PATJ: variants seen among roughly 807,000 people sequenced by gnomAD.
The protein encoded by PATJ is inaD-like protein.
Under a neutral mutation model 224.9 loss-of-function variants are expected in PATJ, and 190 were observed. The observed-to-expected ratio is 0.84, with a 90% CI of 0.75 to 0.95. The LOEUF is 0.95. Among genes scored for constraint, PATJ ranks in the 40% least tolerant of loss-of-function variants. The pLI is 0.00. For synonymous variants in PATJ, 769 were observed against 820.3 expected (o/e 0.94, Z 1.07); for missense variants, 2,121 against 2,270.3 (o/e 0.93, Z 1.34).
chr1:61,823,388 A>G (rs904490995), intron 15 of PATJ, among the ~76,000 whole-genome samples: 1 of 152,200 alleles, frequency 6.6e-6, no homozygotes, highest in Non-Finnish European at 1.5e-5. Context: ...ACATATAACC[A>G]CATTTATTTG....
intron 41 of PATJ, among the ~76,000 whole-genome samples, chr1:62,136,045 G>C (rs1310971077): frequency 2.3e-4 from 2 of 8,832 alleles, no homozygotes; most frequent in Non-Finnish European, 5.8e-4. Context: ...TTTTTTTTTT[G>C]AGACAGAGTT....
chr1:61,952,266 G>GAGAGAGAGAA lies in PATJ; in HGVS notation c.3670+24446_3670+24447insAAGAGAGAGA, dbSNP rs1679807735. On this transcript the variant is annotated intron_variant, in intron 27 of 43. Transcript: ENST00000642238. ...GAGAACAAAATCTGAGAGAGAGAGA[G>GAGAGAGAGAA]AGAGAGAGAGAGAAAAATAGGCCCA... is the stretch of plus-strand genomic sequence containing the variant. 9.9e-6 allele frequency: 6 copies of GAGAGAGAGAA among 604,414 alleles called. No homozygotes were observed. In the East Asian group the frequency reaches 1.4e-4, roughly 14 times the overall value. The allele number at this position is 604,414 out of a possible 1,614,324, so 37.4% of individuals were successfully genotyped here. A position where few individuals can be genotyped will look rare whatever the true frequency, so the allele number is the denominator to read the frequency against.
At chr1:61,983,020 AT>A (rs35574295) in intron 27 of PATJ, among the ~76,000 whole-genome samples, 37,904 of 151,652 alleles carry the variant, frequency 0.25, 5,054 homozygotes, top group East Asian at 0.45. Flanking sequence ...TGAGATTTTC[AT>A]TCTGTGGTCT....
At chr1:62,139,329 G>A (rs182984599) in intron 41 of PATJ, among the ~76,000 whole-genome samples, 56 of 150,738 alleles carry the variant, frequency 3.7e-4, no homozygotes, top group African/African-American at 1.3e-3. Flanking sequence ...GAATCCGGGA[G>A]GCAGAGATTG....
At position 62,084,599 on chromosome 1, in the gene PATJ, G is replaced by T; in HGVS notation, c.4328G>T (p.Gly1443Val). 2 of 1,613,360 alleles carry T rather than the reference G, an allele frequency of 1.2e-6. No homozygotes were observed. Among genetic ancestry groups the T allele is most frequent in the Non-Finnish European group, 1.7e-6 (2 of 1,179,748 alleles). Residue 1443 changes from glycine to valine, a missense_variant, in exon 33 of 44, where the codon GGA (glycine) becomes GTA (valine). Transcript: ENST00000642238. ...GQEMIIEISK[G>V]RSGLGLSIVG... ...GAAATGATTATAGAAATATCCAAGG[G>T]ACGTTCAGGGCTTGGTCTCAGCATT...
chr1:62,100,514 C>G, intron 33 of PATJ: 1 of 626,544 alleles, frequency 1.6e-6, no homozygotes, highest in Non-Finnish European at 2.9e-6. Context: ...CCCTCATTAC[C>G]CAATCACGCC....
intron 31 of PATJ, among the ~76,000 whole-genome samples, chr1:62,076,469 C>T (rs763799225): frequency 1.3e-5 from 2 of 152,192 alleles, no homozygotes; most frequent in Non-Finnish European, 2.9e-5. Flanking sequence ...CTTTCTTACA[C>T]AGTAGTTTGG....
intron 42 of PATJ, among the ~76,000 whole-genome samples, chr1:62,151,413 A>G (rs1404022003): frequency 6.6e-6 from 1 of 151,006 alleles, no homozygotes. Context: ...ATGGTGAAAA[A>G]CCCCGTCTCT....
intron 10 of PATJ, 69 bp from the exon 11 acceptor site, chr1:61,797,218 C>A: frequency 6.7e-7 from 1 of 1,486,186 alleles, no homozygotes; most frequent in Non-Finnish European, 9.2e-7. Flanking sequence ...TCATTTTATT[C>A]AGTGTTGCCA....
At chr1:62,064,720 C>T (rs1184602717) in intron 31 of PATJ, among the ~76,000 whole-genome samples, 2 of 152,178 alleles carry the variant, frequency 1.3e-5, no homozygotes, top group Non-Finnish European at 2.9e-5. Context: ...GGTCTTACTT[C>T]CAGGCTAGAA....
In PATJ at chr1:61,945,924, G is replaced by A. The variant is rs190181049; in HGVS notation, c.3670+18095G>A. On this transcript the variant is annotated intron_variant, in intron 27 of 43. Transcript: ENST00000642238. ...AGGATTAAGAAACTCACTCAAAACC[G>A]CTCAACTGCATGGAAATTGAACAAA... Among the ~76,000 whole-genome samples, 92 of 152,208 alleles carry A rather than the reference G, an allele frequency of 6.0e-4. No homozygotes were observed. The East Asian group carries it at 0.011, about 18-fold the overall frequency.
chr1:62,057,184 G>C lies in PATJ; in HGVS notation c.4125+6126G>C, dbSNP rs529921380. The stretch of plus-strand genomic sequence containing the variant: ...TAGAGTTGCTTCGTGCTAAGAGAGC[G>C]TATGAAAGGGGATTTGACCTTGAGA... On this transcript the variant is annotated intron_variant, in intron 31 of 43. Transcript: ENST00000642238. 3.3e-5 allele frequency among the ~76,000 whole-genome samples: 5 copies of C among 152,172 alleles called. No homozygotes were observed. The East Asian group carries it at 9.6e-4, about 29-fold the overall frequency.
intron 1 of PATJ, among the ~76,000 whole-genome samples, chr1:61,748,970 A>G (rs182304129): frequency 6.6e-6 from 1 of 152,152 alleles, no homozygotes; most frequent in African/African-American, 2.4e-5. Flanking sequence ...TGCAGTATAC[A>G]TATGAAGTAA....
chr1:62,147,310 G>A (rs546963189), intron 41 of PATJ, among the ~76,000 whole-genome samples: 1 of 152,222 alleles, frequency 6.6e-6, no homozygotes, highest in South Asian at 2.1e-4. Context: ...CAGAAGTGTG[G>A]AAAATAAACT....
At chr1:62,010,282 T>C (rs969808952) in intron 28 of PATJ, among the ~76,000 whole-genome samples, 1 of 151,922 alleles carries the variant, frequency 6.6e-6, no homozygotes, top group African/African-American at 2.4e-5. Context: ...CCCCTCAAAG[T>C]CATTCATGAG....
chr1:61,968,684 T>C (rs1355673523), intron 27 of PATJ, among the ~76,000 whole-genome samples: 1 of 152,128 alleles, frequency 6.6e-6, no homozygotes, highest in African/African-American at 2.4e-5. Context: ...ACATTAGGTA[T>C]GTCTCCTAAT....
chr1:62,109,152 G>A (rs944594328), intron 34 of PATJ, among the ~76,000 whole-genome samples: 3 of 151,590 alleles, frequency 2.0e-5, no homozygotes, highest in African/African-American at 7.3e-5. Context: ...GGCGATGCCA[G>A]GCGTTCTGGT....
Position 61,763,139 on chromosome 1 carries a change from TACTC to T in PATJ, c.152_155del (p.Leu51HisfsTer9). On this transcript the variant is annotated frameshift_variant, in exon 3 of 44. Coordinates refer to ENST00000642238, the MANE Select transcript of PATJ (RefSeq NM_001350145.3). LOFTEE classifies it high-confidence loss of function. ...CTAAAGAGTCCTCTCTTCAACCAGA[TACTC>T]ACACTTCAGCAGTCCATCAAGCAAC... 3 of 1,605,878 alleles carry T rather than the reference TACTC, an allele frequency of 1.9e-6. No individual in the cohort carries two copies. The highest frequency in any genetic ancestry group is 2.6e-6 in the Non-Finnish European group (3 of 1,175,642).
At chr1:61,994,960 T>C (rs1444618746) in intron 28 of PATJ, among the ~76,000 whole-genome samples, 1 of 152,208 alleles carries the variant, frequency 6.6e-6, no homozygotes, top group African/African-American at 2.4e-5. Flanking sequence ...GTTTTCTTTT[T>C]ATAACTCAGA....
Sources: gnomAD v4.1 joint callset for allele counts (sites outside exome capture counted in the v4.1 genomes callset) on GRCh38, gnomAD v4.1.1 for gene constraint, MANE v1.5 for transcripts, NCBI Gene and HGNC (gene_info 2026-07-23, HGNC 2026-07-21) for gene names.